Variants in LDLRAP1 observed in about 807,000 individuals in gnomAD.
LDLRAP1 encodes low density lipoprotein receptor adapter protein 1.
A neutral mutation model predicts 37.8 loss-of-function variants in LDLRAP1; 30 were observed. The ratio of observed to expected loss-of-function variants is 0.79; its 90% CI spans 0.59 to 1.08. The LOEUF (loss-of-function observed/expected upper bound fraction) is 1.08. Ranked by LOEUF, LDLRAP1 falls within the 50% of genes least tolerant of loss-of-function variation. The probability of loss-of-function intolerance (pLI) is 0.00; values close to 1 mark genes in which losing one functional copy is unlikely to be tolerated. For synonymous variants in LDLRAP1, 156 were observed against 169.8 expected, an observed-to-expected ratio of 0.92 and a Z score of 0.63; for missense variants, 375 against 401.6, an observed-to-expected ratio of 0.93 and a Z score of 0.57.
chr1:25,579,121 C>T, the LDLRAP1 span, among the ~76,000 whole-genome samples: 1 of 152,132 alleles, frequency 6.6e-6, no homozygotes, highest in Non-Finnish European at 1.5e-5. Context: ...TAAATATGGC[C>T]ACCATGGCCA....
At chr1:25,588,890 C>T in the LDLRAP1 span, among the ~76,000 whole-genome samples, 5 of 152,158 alleles carry the variant, frequency 3.3e-5, no homozygotes, top group African/African-American at 4.8e-5. Flanking sequence ...GGTCATGGAG[C>T]GCCTTGAGAG....
At position 25,562,888 on chromosome 1, in the gene LDLRAP1, C is replaced by T. The variant is rs1337614798; in HGVS notation, c.532+172C>T. 3.9e-5 allele frequency: 31 copies of T among 801,550 alleles called. No individual in the cohort carries two copies. In the Admixed American group the frequency reaches 5.8e-4, roughly 15 times the overall value. 49.7% of individuals were successfully genotyped at this position (801,550 alleles called of 1,614,324 possible). On this transcript the variant is annotated intron_variant, in intron 5 of 8. Transcript: ENST00000374338. ...TTTCCCATCTGAAAAATGGGAACAG[C>T]CGTCTCCCTCCCCAAAGGTGCTTGT... is the stretch of plus-strand genomic sequence containing the variant.
the LDLRAP1 span, among the ~76,000 whole-genome samples, chr1:25,584,734 C>T: frequency 2.7e-4 from 41 of 152,202 alleles, 1 homozygote; most frequent in Admixed American, 2.4e-3. Context: ...GAGGGCCAGT[C>T]TTGCCTTCTC....
intron 1 of LDLRAP1, among the ~76,000 whole-genome samples, chr1:25,550,436 T>C (rs2044046223): frequency 6.6e-6 from 1 of 152,142 alleles, no homozygotes. Flanking sequence ...TGGGGTTTGA[T>C]CAAGTGAAGA....
rs2044541566 is a variant in LDLRAP1 at position 25,568,425 on chromosome 1, C to T, written c.*1433C>T. 1 of 152,330 alleles carries T rather than the reference C, an allele frequency of 6.6e-6. No individual in the cohort carries two copies. The highest frequency in any genetic ancestry group is 2.4e-5 in the African/African-American group (1 of 41,464). 9.4% of individuals were successfully genotyped at this position (152,330 alleles called of 1,614,324 possible). A position where few individuals can be genotyped will look rare whatever the true frequency, so the allele number is the denominator to read the frequency against. ...GCATCCTGAAAGCCAGCAAAGCCTC[C>T]AGCATCTTTTCCATCCTGAGGTGCC... On this transcript the variant is annotated 3_prime_UTR_variant, in exon 9 of 9. Transcript: ENST00000374338.
chr1:25,580,242 G>A, the LDLRAP1 span, among the ~76,000 whole-genome samples: 1 of 152,144 alleles, frequency 6.6e-6, no homozygotes, highest in Non-Finnish European at 1.5e-5. Context: ...CTTCTGCATG[G>A]GAAGACAGAG....
rs986156121 is a variant in LDLRAP1, at chr1:25,544,268, C to G, written c.88+482C>G. Among the ~76,000 whole-genome samples, 1 of 152,176 alleles carries G rather than the reference C, an allele frequency of 6.6e-6. No homozygotes were observed. The highest frequency in any genetic ancestry group is 2.4e-5 in the African/African-American group (1 of 41,474). On this transcript the variant is annotated intron_variant, in intron 1 of 8. Transcript: ENST00000374338. This position sits in a 1 kb window ranked among gnomAD's most constrained non-coding sequence, Gnocchi z 4.8. Reference sequence around the variant, plus strand: ...GCCCACTGGCCCGTTCTCCCGCCCCCTGCCCGACCCACCGGGCCAACTTTT... The same window carrying G: ...GCCCACTGGCCCGTTCTCCCGCCCCGTGCCCGACCCACCGGGCCAACTTTT...
downstream of LDLRAP1, among the ~76,000 whole-genome samples, chr1:25,570,858 C>CAAAATA (rs1009140167): frequency 3.9e-5 from 6 of 152,174 alleles, no homozygotes; most frequent in Non-Finnish European, 8.8e-5. Context: ...GACTCCTTCT[C>CAAAATA]AAAATAAAAA....
At chr1:25,558,181 C>T (rs1377419052) in intron 4 of LDLRAP1, among the ~76,000 whole-genome samples, 3 of 152,136 alleles carry the variant, frequency 2.0e-5, no homozygotes, top group African/African-American at 7.2e-5. Context: ...AGCATTCTCC[C>T]TATAAGGTGC....
In LDLRAP1 at chr1:25,564,810, A is replaced by G. The variant is rs541558088; in HGVS notation, c.748-363A>G. On this transcript the variant is annotated intron_variant, in intron 7 of 8. Transcript: ENST00000374338. ...CTCTTCCTTTTGGAATTTGAAAGCC[A>G]TAGAAGTCATCAGGTCCAATGCCCT... 5.3e-4 allele frequency: 134 copies of G among 251,430 alleles called. 1 individual carries two copies. In the South Asian group the frequency reaches 5.5e-3, roughly 10 times the overall value. 15.6% of individuals were successfully genotyped at this position (251,430 alleles called of 1,614,324 possible).
chr1:25,543,621 C>A lies in LDLRAP1; in HGVS notation c.-78C>A, dbSNP rs993420232. ...TGGGAGGGGAGGAGCGCGCAGCCCGCGCGCCGCAGGGCCGGGCGGAAAGTT... is the reference window on the plus strand; with the variant it reads ...TGGGAGGGGAGGAGCGCGCAGCCCGAGCGCCGCAGGGCCGGGCGGAAAGTT... On this transcript the variant is annotated 5_prime_UTR_variant, in exon 1 of 9. Coordinates refer to ENST00000374338, the MANE Select transcript of LDLRAP1 (RefSeq NM_015627.3). 34 of 1,037,874 alleles carry A rather than the reference C, an allele frequency of 3.3e-5. No homozygotes were observed. The highest frequency in any genetic ancestry group is 1.9e-4 in the South Asian group (4 of 21,064). The allele number at this position is 1,037,874 out of a possible 1,614,324, so 64.3% of individuals were successfully genotyped here. A position where few individuals can be genotyped will look rare whatever the true frequency, so the allele number is the denominator to read the frequency against.
intron 6 of LDLRAP1, 90 bp downstream of exon 6, chr1:25,563,243 G>A (rs990640146): frequency 4.8e-6 from 5 of 1,036,370 alleles, no homozygotes; most frequent in Non-Finnish European, 7.3e-6. Flanking sequence ...GGCTGGGAGA[G>A]CCTCTTGGTT....
At chr1:25,583,020 C>T in the LDLRAP1 span, among the ~76,000 whole-genome samples, 5 of 151,156 alleles carry the variant, frequency 3.3e-5, no homozygotes, top group Non-Finnish European at 2.9e-5. Flanking sequence ...TACAGTGAGC[C>T]GAGATCGTGC....
At chr1:25,576,018 C>G in the LDLRAP1 span, among the ~76,000 whole-genome samples, 1 of 150,952 alleles carries the variant, frequency 6.6e-6, no homozygotes, top group Non-Finnish European at 1.5e-5. Context: ...CAGTTGAGGT[C>G]AGGAGTTTGA....
chr1:25,587,201 G>T, the LDLRAP1 span, among the ~76,000 whole-genome samples: 1 of 152,052 alleles, frequency 6.6e-6, no homozygotes, highest in African/African-American at 2.4e-5. Context: ...GCCCAGCCTG[G>T]AGTGTAGTGG....
chr1:25,557,504 C>G (rs570676642), intron 4 of LDLRAP1: 2 of 580,164 alleles, frequency 3.4e-6, no homozygotes. Context: ...CCCATGTCCC[C>G]AGTGTGTGTC....
the LDLRAP1 span, among the ~76,000 whole-genome samples, chr1:25,589,164 C>T: frequency 1.3e-5 from 2 of 152,018 alleles, no homozygotes; most frequent in South Asian, 2.1e-4. Flanking sequence ...ATTAGCCAGG[C>T]GTGGTGGCGC....
chr1:25,581,981 T>C, the LDLRAP1 span, among the ~76,000 whole-genome samples: 2 of 152,152 alleles, frequency 1.3e-5, no homozygotes, highest in South Asian at 2.1e-4. Flanking sequence ...GATGGACAGA[T>C]GTGCACAGCT....
At position 25,557,231 on chromosome 1, in the gene LDLRAP1, C is replaced by G. The variant is rs140170877; in HGVS notation, c.423C>G (p.Leu141=). Residue 141 remains leucine, a synonymous_variant, in exon 4 of 9, where the codon CTC becomes CTG. Coordinates refer to ENST00000374338, the MANE Select transcript of LDLRAP1 (RefSeq NM_015627.3). ...CCCAGAGCCAGCACAACCAGAGCCT[C>G]GAGTGCCACGCCTTCCTCTGCACCA... ...YIAQSQHNQS[L]ECHAFLCTKR... The G allele has an allele frequency of 8.7e-6, 14 of 1,614,020 alleles. No individual in the cohort carries two copies. Among genetic ancestry groups the G allele is most frequent in the African/African-American group, 1.3e-5 (1 of 75,024 alleles).
Sources: gnomAD v4.1 joint callset for allele counts (sites outside exome capture counted in the v4.1 genomes callset) on GRCh38, gnomAD v4.1.1 for gene constraint, Gnocchi (gnomAD v3.1) non-coding constraint, MANE v1.5 for transcripts, NCBI Gene and HGNC (gene_info 2026-07-23, HGNC 2026-07-21) for gene names.